The following PFKP variants were observed in gnomAD, a reference collection of about 807,000 sequenced individuals.
PFKP encodes ATP-dependent 6-phosphofructokinase, platelet type.
A neutral mutation model predicts 94.3 loss-of-function variants in PFKP; 101 were observed. The observed-to-expected ratio is 1.07, with a 90% confidence interval of 0.91 to 1.26. The LOEUF (loss-of-function observed/expected upper bound fraction) is 1.26. PFKP is among the 50% of genes most tolerant of loss of function. The pLI is 0.00. For synonymous variants in PFKP, 573 were observed against 432.6 expected, an observed-to-expected ratio of 1.32 and a Z score of -4.03; for missense variants, 1,145 against 1,103.3, an observed-to-expected ratio of 1.04 and a Z score of -0.53.
chr10:3,107,141 TC>T (rs1291393264), intron 7 of PFKP, 72 bp from the exon 8 acceptor site: 1 of 920,990 alleles, frequency 1.1e-6, no homozygotes, highest in Non-Finnish European at 1.8e-6. Flanking sequence ...GAGACAGACT[TC>T]TGTGGTTTTG....
rs1258430968 is a variant in PFKP, at chr10:3,101,220, C to T, written c.265-145C>T. On this transcript the variant is annotated intron_variant, in intron 3 of 21. Coordinates refer to ENST00000381125, the MANE Select transcript of PFKP (RefSeq NM_002627.5). ...GGACTAAAAACAGGAAAATCACAGTCTTTCATAGCTAGTTACTAACTCACA... is the reference window on the plus strand; with the variant it reads ...GGACTAAAAACAGGAAAATCACAGTTTTTCATAGCTAGTTACTAACTCACA... 7.9e-5 allele frequency: 61 copies of T among 772,132 alleles called. No individual in the cohort carries two copies. The Admixed American group carries it at 1.7e-3, about 21-fold the overall frequency. The allele number at this position is 772,132 out of a possible 1,614,324, so 47.8% of individuals were successfully genotyped here.
chr10:3,134,903 ATTT>A (rs927681265), intron 20 of PFKP, among the ~76,000 whole-genome samples: 2 of 152,124 alleles, frequency 1.3e-5, no homozygotes, highest in African/African-American at 4.8e-5. Flanking sequence ...GGGGCCTTCT[ATTT>A]TTTGAATGTT....
At chr10:3,074,040 G>A (rs532609800) in intron 1 of PFKP, among the ~76,000 whole-genome samples, 4 of 152,258 alleles carry the variant, frequency 2.6e-5, no homozygotes, top group South Asian at 2.1e-4. Context: ...GGGTTTCACC[G>A]TGTTGGTCAG....
At position 3,072,439 on chromosome 10, in the gene PFKP, G is replaced by A. The variant is rs114593860; in HGVS notation, c.112+4732G>A. ...TTTTGCCTCCCACGGCTCTGGGCCC[G>A]TTACCTTCCTGTGTACATACATTAT... On this transcript the variant is annotated intron_variant, in intron 1 of 21. Coordinates refer to ENST00000381125, the MANE Select transcript of PFKP (RefSeq NM_002627.5). Among the ~76,000 whole-genome samples the A allele has an allele frequency of 3.6e-3, 554 of 152,338 alleles. 2 individuals are homozygous for A. The highest frequency in any genetic ancestry group is 0.013 in the African/African-American group (522 of 41,574).
intron 3 of PFKP, among the ~76,000 whole-genome samples, chr10:3,099,863 A>G (rs1023225870): frequency 4.6e-5 from 7 of 151,034 alleles, no homozygotes; most frequent in African/African-American, 1.7e-4. Flanking sequence ...TGTGTGGTGT[A>G]TGTGGTGTGT....
intron 1 of PFKP, among the ~76,000 whole-genome samples, chr10:3,068,292 T>C (rs960977998): frequency 1.3e-5 from 2 of 152,086 alleles, no homozygotes; most frequent in African/African-American, 4.8e-5. Context: ...TCCTGGCTGC[T>C]GCAATGCGGG....
chr10:3,113,496 T>C lies in PFKP; in HGVS notation c.1349T>C (p.Phe450Ser). 2 of 1,613,214 alleles carry C rather than the reference T, an allele frequency of 1.2e-6. No individual in the cohort carries two copies. The highest frequency in any genetic ancestry group is 1.7e-6 in the Non-Finnish European group (2 of 1,179,958). The change falls in exon 13 of 22, where the codon TTT becomes TCT. Residue 450 changes from phenylalanine (F) to serine (S), a missense_variant. By Grantham distance (155) the Phe-to-Ser change is radical. Around this residue, in one of 3 missense-constraint regions of PFKP, gnomAD observed 1,119 missense variants for 1,062.8 expected, o/e 1.05. Transcript: ENST00000381125. ...GHRMLAIYDG[F>S]DGFAKGQIKE... ...AGGATGCTCGCCATCTATGATGGCT[T>C]TGACGGCTTCGCCAAGGGCCAGGTG...
intron 2 of PFKP, among the ~76,000 whole-genome samples, chr10:3,093,025 A>AG (rs1294565996): frequency 1.0e-5 from 1 of 97,044 alleles, no homozygotes; most frequent in South Asian, 3.6e-4. Context: ...GATGTGTGGA[A>AG]GGGGGTGGCC....
At chr10:3,088,783 T>C (rs550611172) in intron 2 of PFKP, among the ~76,000 whole-genome samples, 21 of 152,100 alleles carry the variant, frequency 1.4e-4, no homozygotes, top group Non-Finnish European at 2.5e-4. Context: ...AGTTCAGAAA[T>C]ATAGTCTTCT....
Position 3,103,799 on chromosome 10 carries a change from G to A in PFKP, c.475G>A (p.Val159Met), listed in dbSNP as rs146112401. 681 of 1,613,894 alleles carry A rather than the reference G, an allele frequency of 4.2e-4. 1 individual carries two copies. The Middle Eastern group carries it at 0.012, about 29-fold the overall frequency. Residue 159 changes from valine to methionine, a missense_variant, in exon 5 of 22, where the codon GTG becomes ATG. Val to Met is a conservative substitution (Grantham distance 21). Coordinates refer to ENST00000381125, the MANE Select transcript of PFKP (RefSeq NM_002627.5). ...CGCAGGCCAGATCGATAAGGAGGCC[G>A]TGCAGAAGTACGCCTACCTCAACGT... The part of the protein sequence containing the change: ...ARNGQIDKEA[V>M]QKYAYLNVVG...
At chr10:3,128,361 G>A (rs2131695686) in intron 16 of PFKP, among the ~76,000 whole-genome samples, 1 of 152,310 alleles carries the variant, frequency 6.6e-6, no homozygotes, top group East Asian at 1.9e-4. Context: ...GCCCCTGACA[G>A]AGGGAACTTT....
chr10:3,105,362 G>C, intron 6 of PFKP, 31 bp from the exon 7 acceptor site: 1 of 1,555,568 alleles, frequency 6.4e-7, no homozygotes. Context: ...GATCCTTCTG[G>C]GGTGTTGATG....
intron 17 of PFKP, among the ~76,000 whole-genome samples, chr10:3,130,564 C>T (rs1838460861): frequency 6.6e-6 from 1 of 152,088 alleles, no homozygotes. Flanking sequence ...GCAACTTGAA[C>T]AATTGTCTTT....
At chr10:3,119,343 C>A (rs1282739992) in intron 15 of PFKP, among the ~76,000 whole-genome samples, 3 of 152,208 alleles carry the variant, frequency 2.0e-5, no homozygotes, top group Non-Finnish European at 2.9e-5. Context: ...CGGTGGCTCA[C>A]GCCTGTAATC....
At position 3,073,825 on chromosome 10, in the gene PFKP, G is replaced by GTTTT. The variant is rs556041801; in HGVS notation, c.112+6123_112+6126dup. On this transcript the variant is annotated intron_variant, in intron 1 of 21. Transcript: ENST00000381125. ...AGATTTTATTTCTGTGTGTGTGTGT[G>GTTTT]TTTTTTTTGTTTGTTTGTTTGTTTG... is the stretch of plus-strand genomic sequence containing the variant. Among the ~76,000 whole-genome samples, 336 of 150,896 alleles carry GTTTT rather than the reference G, an allele frequency of 2.2e-3. 3 individuals carry two copies. The highest frequency in any genetic ancestry group is 7.9e-3 in the African/African-American group (319 of 40,546).
chr10:3,081,513 C>T (rs1833074939), intron 1 of PFKP, among the ~76,000 whole-genome samples: 1 of 152,238 alleles, frequency 6.6e-6, no homozygotes, highest in Admixed American at 6.5e-5. Context: ...CTCAGGTGTT[C>T]CTCATCCTTA....
At chr10:3,134,450 ACTG>A in intron 19 of PFKP, 30 bp from the exon 20 acceptor site, 1 of 1,201,130 alleles carries the variant, frequency 8.3e-7, no homozygotes, top group Non-Finnish European at 1.2e-6. Flanking sequence ...TTACTGTATA[ACTG>A]GTATTTCATA....
chr10:3,099,225 A>T (rs755830254), intron 2 of PFKP, 50 bp from the exon 3 acceptor site: 3 of 1,352,278 alleles, frequency 2.2e-6, no homozygotes, highest in Non-Finnish European at 3.2e-6. Flanking sequence ...ATCACTTCCC[A>T]TTTAGTGAAG....
intron 15 of PFKP, among the ~76,000 whole-genome samples, chr10:3,119,158 T>G (rs990542876): frequency 6.6e-6 from 1 of 152,156 alleles, no homozygotes; most frequent in East Asian, 1.9e-4. Context: ...TGGAAGTAAT[T>G]CTATCTCTTG....
Sources: gnomAD v4.1 joint callset for allele counts (sites outside exome capture counted in the v4.1 genomes callset) on GRCh38, gnomAD v4.1.1 for gene constraint, gnomAD v4.1.1 regional missense constraint, MANE v1.5 for transcripts, NCBI Gene and HGNC (gene_info 2026-07-23, HGNC 2026-07-21) for gene names.